Variants in WWOX observed in about 807,000 individuals in gnomAD.
WWOX encodes the protein WW domain-containing oxidoreductase.
WWOX carries 69 observed loss-of-function variants against 46.2 expected under a neutral mutation model. The observed-to-expected ratio is 1.49, with a 90% CI of 1.23 to 1.82. WWOX has a LOEUF of 1.82. Among genes scored for constraint, WWOX ranks in the 40% most tolerant of loss-of-function variants. The pLI is 0.00. For synonymous variants in WWOX, 359 were observed against 202.6 expected (o/e 1.77, Z -6.56); for missense variants, 919 against 542.6 (o/e 1.69, Z -6.89).
intron 8 of WWOX, among the ~76,000 whole-genome samples, chr16:78,506,077 A>C (rs1302498225): frequency 6.6e-6 from 1 of 152,158 alleles, no homozygotes; most frequent in Admixed American, 6.5e-5. Flanking sequence ...TGCGTCCAAG[A>C]GCTCCTCGCT....
At chr16:79,039,763 C>A (rs964458184) in intron 8 of WWOX, among the ~76,000 whole-genome samples, 3 of 152,184 alleles carry the variant, frequency 2.0e-5, no homozygotes, top group Non-Finnish European at 2.9e-5. Flanking sequence ...GCTCTGACTT[C>A]AGTTTTCTCA....
intron 8 of WWOX, among the ~76,000 whole-genome samples, chr16:79,070,376 G>A (rs757617359): frequency 2.6e-5 from 4 of 152,008 alleles, no homozygotes; most frequent in Non-Finnish European, 5.9e-5. Context: ...TGCTTTTAAA[G>A]TGTCCTCCAG....
intron 8 of WWOX, among the ~76,000 whole-genome samples, chr16:78,649,914 GTGTT>G (rs1349953343): frequency 1.3e-5 from 2 of 152,166 alleles, no homozygotes; most frequent in African/African-American, 4.8e-5. Context: ...ATCTGTGTCT[GTGTT>G]TGGATCAACA....
At chr16:78,793,566 A>G (rs1420222510) in intron 8 of WWOX, among the ~76,000 whole-genome samples, 3 of 152,230 alleles carry the variant, frequency 2.0e-5, no homozygotes, top group African/African-American at 4.8e-5. Flanking sequence ...TTATTAGCAT[A>G]AAACACAGCT....
At chr16:78,428,456 C>A (rs1410174809) in intron 7 of WWOX, among the ~76,000 whole-genome samples, 1 of 152,156 alleles carries the variant, frequency 6.6e-6, no homozygotes, top group East Asian at 1.9e-4. Context: ...GGAAGGAAAT[C>A]AGGGGTCACC....
chr16:79,057,357 G>T (rs904564755), intron 8 of WWOX, among the ~76,000 whole-genome samples: 2 of 152,118 alleles, frequency 1.3e-5, no homozygotes, highest in South Asian at 2.1e-4. Context: ...CCAAATTATC[G>T]AAGAGAAAAG....
chr16:78,459,150 CCA>C (rs1046131220), intron 8 of WWOX, among the ~76,000 whole-genome samples: 1 of 152,126 alleles, frequency 6.6e-6, no homozygotes, highest in Non-Finnish European at 1.5e-5. Flanking sequence ...TCTCAGGTGG[CCA>C]CAGTTTCCCA....
chr16:79,069,546 C>G (rs947713910), intron 8 of WWOX, among the ~76,000 whole-genome samples: 4 of 144,950 alleles, frequency 2.8e-5, no homozygotes, highest in African/African-American at 5.4e-5. Context: ...AAAAAAGAAT[C>G]TTTATTGGTA....
intron 5 of WWOX, among the ~76,000 whole-genome samples, chr16:78,340,020 G>GGGC: frequency 2.0e-5 from 1 of 49,012 alleles, no homozygotes; most frequent in Non-Finnish European, 5.3e-5. Context: ...GATTTGGTGG[G>GGGC]GGGGGGGGGG....
chr16:78,301,955 G>A (rs2080049335), intron 5 of WWOX, among the ~76,000 whole-genome samples: 1 of 151,658 alleles, frequency 6.6e-6, no homozygotes, highest in African/African-American at 2.4e-5. Context: ...ATTAGATGAG[G>A]GTGTTTTTTT....
chr16:78,538,146 G>T (rs1483250688), intron 8 of WWOX, among the ~76,000 whole-genome samples: 1 of 136,226 alleles, frequency 7.3e-6, no homozygotes, highest in African/African-American at 2.7e-5. Context: ...AGAAAATTTA[G>T]TGATTGCCAG....
chr16:78,887,550 C>A (rs1457793474), intron 8 of WWOX, among the ~76,000 whole-genome samples: 1 of 150,696 alleles, frequency 6.6e-6, no homozygotes, highest in Admixed American at 6.6e-5. Flanking sequence ...CAACACCCTT[C>A]CAAAACACTT....
intron 8 of WWOX, among the ~76,000 whole-genome samples, chr16:79,034,731 C>T (rs1381384314): frequency 6.6e-6 from 1 of 151,758 alleles, no homozygotes; most frequent in Non-Finnish European, 1.5e-5. Context: ...CTTCTCTGAT[C>T]AGAGCATACC....
chr16:78,685,552 T>C (rs1464999218), intron 8 of WWOX, among the ~76,000 whole-genome samples: 2 of 152,166 alleles, frequency 1.3e-5, no homozygotes, highest in African/African-American at 4.8e-5. Flanking sequence ...AAAATGAAAA[T>C]TAATGTTGAG....
rs533942037 is a variant in WWOX at position 79,082,118 on chromosome 16, C to G, written c.1057-129490C>G. On this transcript the variant is annotated intron_variant, in intron 8 of 8. Coordinates refer to ENST00000566780, the MANE Select transcript of WWOX (RefSeq NM_016373.4). ...TCAACTACATCCTTGAGCCTAGAAC[C>G]TCTTCACTCAGCACCAGCTAGTGGG... Among the ~76,000 whole-genome samples the G allele has an allele frequency of 3.3e-5, 5 of 152,312 alleles. No individual in the cohort carries two copies. The South Asian group carries it at 8.3e-4, about 25-fold the overall frequency.
chr16:78,838,831 G>C (rs1451894772), intron 8 of WWOX, among the ~76,000 whole-genome samples: 1 of 152,092 alleles, frequency 6.6e-6, no homozygotes, highest in East Asian at 1.9e-4. Context: ...CAACAGAGTG[G>C]TACTCCATCT....
intron 8 of WWOX, among the ~76,000 whole-genome samples, chr16:79,183,140 C>T (rs770977691): frequency 2.6e-5 from 4 of 152,192 alleles, no homozygotes; most frequent in Non-Finnish European, 5.9e-5. Context: ...AAGACCCAAG[C>T]CGAGGGGAGA....
At chr16:78,556,997 C>T (rs1158204849) in intron 8 of WWOX, among the ~76,000 whole-genome samples, 1 of 151,964 alleles carries the variant, frequency 6.6e-6, no homozygotes, top group African/African-American at 2.4e-5. Flanking sequence ...GGGATTAAGG[C>T]GTGAGCCACC....
At chr16:79,005,825 A>G (rs2047179226) in intron 8 of WWOX, among the ~76,000 whole-genome samples, 1 of 152,182 alleles carries the variant, frequency 6.6e-6, no homozygotes, top group Non-Finnish European at 1.5e-5. Context: ...TCAGGCCACC[A>G]TATATGGATT....
Sources: allele counts gnomAD v4.1 joint callset (sites outside exome capture counted in the v4.1 genomes callset), GRCh38; gene constraint gnomAD v4.1.1; transcripts MANE v1.5; gene names NCBI Gene and HGNC (gene_info 2026-07-23, HGNC 2026-07-21).